The following RAB11FIP5 variants were observed in gnomAD, a reference collection of about 807,000 sequenced individuals.
RAB11FIP5 encodes rab11 family-interacting protein 5.
In RAB11FIP5, 48 loss-of-function variants were observed where a neutral mutation model predicts 85.1. The ratio of observed to expected loss-of-function variants is 0.56; its 90% CI spans 0.45 to 0.72. The LOEUF is 0.72. Among genes scored for constraint, RAB11FIP5 ranks in the 30% least tolerant of loss-of-function variants. The pLI is 0.00. For missense variants in RAB11FIP5, 1,491 were observed against 1,687.0 expected, an observed-to-expected ratio of 0.88 and a Z score of 2.04; for synonymous variants, 729 against 727.3, an observed-to-expected ratio of 1.00 and a Z score of -0.04.
rs6716846 is a variant in RAB11FIP5, at chr2:73,089,871, T to C, written c.432-556A>G. Among the ~76,000 whole-genome samples, 20,148 of 136,000 alleles carry C rather than the reference T, an allele frequency of 0.15. 1,672 individuals are homozygous for C. Among genetic ancestry groups the C allele is most frequent in the East Asian group, 0.43 (2,123 of 4,904 alleles). 89.2% of individuals were successfully genotyped at this position (136,000 alleles called of 152,430 possible). A position where few individuals can be genotyped will look rare whatever the true frequency, so the allele number is the denominator to read the frequency against. On this transcript the variant is annotated intron_variant, in intron 1 of 5. Transcript: ENST00000486777. This position sits in a 1 kb window ranked among gnomAD's most constrained non-coding sequence, Gnocchi z 4.6. ...AACACAGGAATGCTAGTGCATACAC[T>C]CATGTATGTATACACACACACACAC...
Position 73,112,468 on chromosome 2 carries a change from C to A in RAB11FIP5, c.310G>T (p.Ala104Ser). Residue 104 changes from alanine (A) to serine (S), a missense_variant, in exon 1 of 6, where the codon GCC becomes TCC. Ala to Ser is a moderately conservative substitution (Grantham distance 99, BLOSUM62 1). Coordinates refer to ENST00000486777, the MANE Select transcript of RAB11FIP5 (RefSeq NM_001371272.1). ...GTGGTGAGCACCAGCTCGCAGGCGG[C>A]GGCGGAGCTCGCGGCCCAGGGCGCC... ...GPAPWAASSA[A>S]ACELVLTTMH... 2 of 1,478,070 alleles carry A rather than the reference C, an allele frequency of 1.4e-6. No individual in the cohort carries two copies. The highest frequency in any genetic ancestry group is 1.8e-6 in the Non-Finnish European group (2 of 1,123,862). The allele number at this position is 1,478,070 out of a possible 1,614,324, so 91.6% of individuals were successfully genotyped here.
chr2:73,079,865 G>C lies in RAB11FIP5; in HGVS notation c.3367C>G (p.Pro1123Ala), dbSNP rs1683936544. 3 of 1,232,456 alleles carry C rather than the reference G, an allele frequency of 2.4e-6. No homozygotes were observed. 76.3% of individuals were successfully genotyped at this position (1,232,456 alleles called of 1,614,324 possible). ...WASHHRGGPSPPCSPLSEAWP... is the reference protein window; with the variant it reads ...WASHHRGGPSAPCSPLSEAWP... ...GCTTCAGACAGGGGAGAGCATGGAG[G>C]GCTGGGCCCCCCACGGTGGTGGCTG... Residue 1123 changes from proline (P) to alanine (A), a missense_variant, in exon 4 of 6, where the codon CCT becomes GCT. Transcript: ENST00000486777.
In RAB11FIP5 at chr2:73,088,245, C is replaced by T. The variant is rs747179362; in HGVS notation, c.1373G>A (p.Arg458His). The stretch of plus-strand genomic sequence containing the variant: ...GTGGAAGAGACCCATCCGGGGCTTG[C>T]GTTCCTCCTTCCGGGCTCCCTCCTT... Reference protein sequence around the residue: ...AEKEGARKEERKPRMGLFHHH... With the variant: ...AEKEGARKEEHKPRMGLFHHH... The change falls in exon 3 of 6, where the codon CGC becomes CAC. Residue 458 changes from arginine to histidine, a missense_variant. By Grantham distance (29) the Arg-to-His change is conservative (BLOSUM62 0). This residue lies in a region of RAB11FIP5 where 1,211 missense variants were observed against 1,338.0 expected (regional missense o/e 0.91). Coordinates refer to ENST00000486777, the MANE Select transcript of RAB11FIP5 (RefSeq NM_001371272.1). 7 of 1,613,900 alleles carry T rather than the reference C, an allele frequency of 4.3e-6. No homozygotes were observed. The highest frequency in any genetic ancestry group is 1.1e-5 in the South Asian group (1 of 91,088).
chr2:73,112,296 C>A, intron 1 of RAB11FIP5, 51 bp downstream of exon 1: 1 of 1,489,074 alleles, frequency 6.7e-7, no homozygotes, highest in East Asian at 2.5e-5. Context: ...CCCACCAGCC[C>A]CGCCCTGTTA....
intron 1 of RAB11FIP5, among the ~76,000 whole-genome samples, chr2:73,102,743 C>T (rs1211000359): frequency 6.6e-6 from 1 of 152,048 alleles, no homozygotes; most frequent in East Asian, 1.9e-4. Context: ...TGGCAGGGCT[C>T]AGCTTTTGTC....
intron 3 of RAB11FIP5, among the ~76,000 whole-genome samples, chr2:73,083,709 G>A: frequency 1.3e-5 from 2 of 152,156 alleles, no homozygotes; most frequent in East Asian, 3.9e-4. Context: ...TGCCTGCTGT[G>A]GGGACCAAGG....
At chr2:73,079,252 C>A (rs995831759) in intron 4 of RAB11FIP5, among the ~76,000 whole-genome samples, 40 of 151,782 alleles carry the variant, frequency 2.6e-4, no homozygotes, top group Non-Finnish European at 5.4e-4. Flanking sequence ...GAACTACCCC[C>A]TGATTGACAA....
At chr2:73,105,277 C>G (rs1323687716) in intron 1 of RAB11FIP5, among the ~76,000 whole-genome samples, 3 of 152,106 alleles carry the variant, frequency 2.0e-5, no homozygotes, top group East Asian at 3.9e-4. Context: ...GGATCTTGCT[C>G]TGTCACCCAG....
rs1055660670 is a variant in RAB11FIP5 at position 73,081,438 on chromosome 2, C to T, written c.1794G>A (p.Pro598=). 9.7e-6 allele frequency: 12 copies of T among 1,232,732 alleles called. No individual in the cohort carries two copies. In the South Asian group the frequency reaches 2.0e-4, roughly 21 times the overall value. 76.4% of individuals were successfully genotyped at this position (1,232,732 alleles called of 1,614,324 possible). A position where few individuals can be genotyped will look rare whatever the true frequency, so the allele number is the denominator to read the frequency against. Residue 598 remains proline, a synonymous_variant, in exon 4 of 6, where the codon CCG becomes CCA. Coordinates refer to ENST00000486777, the MANE Select transcript of RAB11FIP5 (RefSeq NM_001371272.1). The surrounding 1 kb of genome is among the most constrained non-coding windows in gnomAD (Gnocchi z 4.2). ...GGTTGCTCTGCAAAGAGGTGAGGAA[C>T]GGGTTGGTAAGACCCAATAATCCAG... ...TPPGLLGLTN[P]FLTSLQSNPF... is the part of the protein sequence containing the mutation.
In RAB11FIP5 at chr2:73,088,894, GCCAGC is replaced by G; in HGVS notation, c.848_852del (p.Ser283ThrfsTer4). ...GCTTGCTCACCCCCTTCAGTGGACA[GCCAGC>G]TGCTACGGCTTGGTGAGCGGGTGAG... On this transcript the variant is annotated frameshift_variant, in exon 2 of 6. Transcript: ENST00000486777. LOFTEE classifies it high-confidence loss of function. 1 of 1,580,008 alleles carries G rather than the reference GCCAGC, an allele frequency of 6.3e-7. No individual in the cohort carries two copies. The highest frequency in any genetic ancestry group is 8.6e-7 in the Non-Finnish European group (1 of 1,162,836).
In RAB11FIP5 at chr2:73,075,434, C is replaced by T; in HGVS notation, c.*87G>A. On this transcript the variant is annotated 3_prime_UTR_variant, in exon 6 of 6. Coordinates refer to ENST00000486777, the MANE Select transcript of RAB11FIP5 (RefSeq NM_001371272.1). This position sits in a 1 kb window ranked among gnomAD's most constrained non-coding sequence, Gnocchi z 4.6. Reference sequence around the variant, plus strand: ...GAGTGACAAGGCAAGACAGACGATGCCCCACTGCAGATGAGAGAGTTCAGG... The same window carrying T: ...GAGTGACAAGGCAAGACAGACGATGTCCCACTGCAGATGAGAGAGTTCAGG... 1 of 1,309,498 alleles carries T rather than the reference C, an allele frequency of 7.6e-7. No homozygotes were observed. Among genetic ancestry groups the T allele is most frequent in the Non-Finnish European group, 1.1e-6 (1 of 902,898 alleles). 81.1% of individuals were successfully genotyped at this position (1,309,498 alleles called of 1,614,324 possible).
intron 1 of RAB11FIP5, among the ~76,000 whole-genome samples, chr2:73,101,340 A>G (rs1684426312): frequency 6.6e-6 from 1 of 152,216 alleles, no homozygotes; most frequent in Non-Finnish European, 1.5e-5. Context: ...ATGAGGAGAC[A>G]TAACAGCCAG....
At chr2:73,087,943 G>T in intron 3 of RAB11FIP5, 107 bp downstream of exon 3, 1 of 1,126,848 alleles carries the variant, frequency 8.9e-7, no homozygotes, top group Non-Finnish European at 1.3e-6. Context: ...AGCCCCAGCA[G>T]CCTGCCTGAG....
At position 73,081,347 on chromosome 2, in the gene RAB11FIP5, T is replaced by C; in HGVS notation, c.1885A>G (p.Ser629Gly). ...NSPSPAPSLP[S>G]ASRASPTPLA... is the part of the protein sequence containing the mutation. Reference sequence around the variant, plus strand: ...GGGGTGGGGCTGGCCCTCGAGGCACTGGGGAGAGAGGGAGCAGGTGAAGGA... The same window carrying C: ...GGGGTGGGGCTGGCCCTCGAGGCACCGGGGAGAGAGGGAGCAGGTGAAGGA... The change falls in exon 4 of 6, where the codon AGT (serine) becomes GGT (glycine). Residue 629 changes from serine to glycine, a missense_variant. Physicochemically the swap from Ser to Gly is moderately conservative, Grantham distance 56. Coordinates refer to ENST00000486777, the MANE Select transcript of RAB11FIP5 (RefSeq NM_001371272.1). This position sits in a 1 kb window ranked among gnomAD's most constrained non-coding sequence, Gnocchi z 4.2. 1 of 1,232,640 alleles carries C rather than the reference T, an allele frequency of 8.1e-7. No individual in the cohort carries two copies. The allele number at this position is 1,232,640 out of a possible 1,614,324, so 76.4% of individuals were successfully genotyped here.
At chr2:73,105,539 A>G (rs1165430135) in intron 1 of RAB11FIP5, among the ~76,000 whole-genome samples, 1 of 151,998 alleles carries the variant, frequency 6.6e-6, no homozygotes, top group African/African-American at 2.4e-5. Flanking sequence ...CACCACACCC[A>G]GCCCTCACTC....
chr2:73,094,754 T>C (rs1684285171), intron 1 of RAB11FIP5, among the ~76,000 whole-genome samples: 1 of 152,146 alleles, frequency 6.6e-6, no homozygotes, highest in South Asian at 2.1e-4. Context: ...TCCTGCCCAG[T>C]AAGGCTTGCC....
chr2:73,087,012 C>T (rs1334334800), intron 3 of RAB11FIP5, among the ~76,000 whole-genome samples: 1 of 152,234 alleles, frequency 6.6e-6, no homozygotes, highest in East Asian at 1.9e-4. Flanking sequence ...CAAGATTCCT[C>T]TCCCCTCTGG....
intron 1 of RAB11FIP5, among the ~76,000 whole-genome samples, chr2:73,106,983 G>A (rs1348656334): frequency 1.3e-5 from 2 of 152,266 alleles, no homozygotes; most frequent in East Asian, 1.9e-4. Context: ...GCTCCTGAGA[G>A]GCCGGGGCCC....
chr2:73,093,861 C>A (rs935740075), intron 1 of RAB11FIP5, among the ~76,000 whole-genome samples: 3 of 152,198 alleles, frequency 2.0e-5, no homozygotes, highest in African/African-American at 7.2e-5. Flanking sequence ...TGGCTCATGC[C>A]TGCAATCCCA....
Sources: allele counts gnomAD v4.1 joint callset (sites outside exome capture counted in the v4.1 genomes callset), GRCh38; gene constraint gnomAD v4.1.1; regional missense constraint gnomAD v4.1.1; non-coding constraint Gnocchi (gnomAD v3.1); transcripts MANE v1.5; gene names NCBI Gene and HGNC (gene_info 2026-07-23, HGNC 2026-07-21).